SYTL5: variants seen among roughly 807,000 people sequenced by gnomAD.
SYTL5 encodes the protein synaptotagmin like 5.
Under a neutral mutation model 55.9 loss-of-function variants are expected in SYTL5, and 34 were observed. The ratio of observed to expected loss-of-function variants is 0.61; its 90% CI spans 0.46 to 0.81. SYTL5 has a LOEUF of 0.81. SYTL5 is among the 30% of genes least tolerant of loss of function. The pLI, the probability that SYTL5 is intolerant of heterozygous loss-of-function variation, is 0.00. For synonymous variants in SYTL5, 221 were observed against 188.7 expected (o/e 1.17, Z -1.40); for missense variants, 637 against 546.7 (o/e 1.17, Z -1.65).
chrX:37,986,106 G>A, the SYTL5 span, among the ~76,000 whole-genome samples: 3 of 111,414 alleles, frequency 2.7e-5, no homozygotes, highest in African/African-American at 3.3e-5. Flanking sequence ...TTGGGCAATC[G>A]ATTCTTATAT....
At chrX:37,936,954 G>A in the SYTL5 span, among the ~76,000 whole-genome samples, 73 of 108,156 alleles carry the variant, frequency 6.7e-4, no homozygotes, top group Non-Finnish European at 2.5e-4. Context: ...GGAGGCTGAG[G>A]CAGGAGAATT....
the SYTL5 span, among the ~76,000 whole-genome samples, chrX:37,959,425 A>T: frequency 1.8e-5 from 2 of 111,894 alleles, no homozygotes; most frequent in South Asian, 7.5e-4. Context: ...ACTTGTGGAT[A>T]ATTAACATGG....
At chrX:38,076,248 T>C (rs1445949024) in intron 5 of SYTL5, among the ~76,000 whole-genome samples, 1 of 112,056 alleles carries the variant, frequency 8.9e-6, no homozygotes, top group East Asian at 2.8e-4. Flanking sequence ...ATTCTCACTA[T>C]TCCTGCAAAC....
At chrX:38,047,114 T>C (rs1602340637) in intron 2 of SYTL5, among the ~76,000 whole-genome samples, 1 of 111,987 alleles carries the variant, frequency 8.9e-6, no homozygotes, top group African/African-American at 3.2e-5. Flanking sequence ...GTGTAAGCTG[T>C]CAGTAGATCT....
chrX:38,128,783 T>C lies in SYTL5; in HGVS notation c.*2053T>C, dbSNP rs908461159. 2.7e-5 allele frequency: 3 copies of C among 111,145 alleles called. No individual in the cohort carries two copies. The highest frequency in any genetic ancestry group is 3.8e-5 in the Non-Finnish European group (2 of 53,011). The allele number at this position is 111,145 out of a possible 1,213,427, so 9.2% of individuals were successfully genotyped here. On this transcript the variant is annotated 3_prime_UTR_variant, in exon 17 of 17. Coordinates refer to ENST00000297875, the MANE Select transcript of SYTL5 (RefSeq NM_138780.3). ...TGTAAGATCATCATTGCTTCCCACATAGGAAAAATAAAATGTCTTCAGACT... is the reference window on the plus strand; with the variant it reads ...TGTAAGATCATCATTGCTTCCCACACAGGAAAAATAAAATGTCTTCAGACT...
chrX:37,923,269 A>G, the SYTL5 span, among the ~76,000 whole-genome samples: 1 of 111,934 alleles, frequency 8.9e-6, no homozygotes, highest in South Asian at 3.7e-4. Context: ...CATAACAAAG[A>G]CACTGTTCTA....
intron 1 of SYTL5, among the ~76,000 whole-genome samples, chrX:38,031,406 A>G (rs1353489893): frequency 9.0e-6 from 1 of 111,290 alleles, no homozygotes; most frequent in African/African-American, 3.3e-5. Flanking sequence ...TGTGCTACCC[A>G]TGGTGTTACT....
the SYTL5 span, among the ~76,000 whole-genome samples, chrX:37,998,684 G>A: frequency 8.9e-6 from 1 of 111,968 alleles, no homozygotes; most frequent in Non-Finnish European, 1.9e-5. Context: ...AGGCTGAGTG[G>A]GCACAGCGAG....
At chrX:38,096,314 G>C (rs1428174574) in intron 9 of SYTL5, 80 bp downstream of exon 9, 1 of 528,141 alleles carries the variant, frequency 1.9e-6, no homozygotes, top group Admixed American at 2.9e-5. Flanking sequence ...TCACTTTTAG[G>C]TGATGATGAG....
intron 4 of SYTL5, among the ~76,000 whole-genome samples, chrX:38,072,509 C>T (rs745576693): frequency 1.1e-4 from 12 of 112,502 alleles, no homozygotes; most frequent in Non-Finnish European, 2.1e-4. Flanking sequence ...ATTGTGAAAG[C>T]AATCCTTGAT....
At chrX:38,119,875 T>G (rs912522235) in intron 13 of SYTL5, among the ~76,000 whole-genome samples, 5 of 112,657 alleles carry the variant, frequency 4.4e-5, no homozygotes, top group Non-Finnish European at 9.4e-5. Context: ...TAACAGTTGA[T>G]GGCTGGCAGC....
intron 3 of SYTL5, among the ~76,000 whole-genome samples, chrX:38,055,652 A>C (rs1935760003): frequency 8.9e-6 from 1 of 111,897 alleles, no homozygotes; most frequent in African/African-American, 3.2e-5. Context: ...GAGATAGTAG[A>C]AGTGATCTTT....
the SYTL5 span, among the ~76,000 whole-genome samples, chrX:37,900,003 G>A: frequency 2.7e-5 from 3 of 112,103 alleles, no homozygotes; most frequent in Admixed American, 9.5e-5. Flanking sequence ...ATCATATTCA[G>A]TATTTGTTCT....
intron 3 of SYTL5, among the ~76,000 whole-genome samples, 194 bp downstream of exon 3, chrX:38,054,616 G>T (rs1044357827): frequency 2.3e-4 from 12 of 52,445 alleles, no homozygotes; most frequent in East Asian, 4.3e-4. Flanking sequence ...GTATGTGAGA[G>T]AGAGAGAGAG....
rs777001664 is a variant in SYTL5 at position 38,096,143 on chromosome X, G to T, written c.971G>T (p.Arg324Leu). ...CCTTTCCACCTTCCAGATCAGAGTC[G>T]ATCTGAGTTAGATTTGAGTGAGTCA... is the stretch of plus-strand genomic sequence containing the variant. ...SGTSLSSDQS[R>L]SELDLSESFT... Residue 324 changes from arginine (R) to leucine (L), a missense_variant, in exon 9 of 17, where the codon CGA becomes CTA. Coordinates refer to ENST00000297875, the MANE Select transcript of SYTL5 (RefSeq NM_138780.3). The T allele has an allele frequency of 3.4e-6, 4 of 1,167,499 alleles. No individual in the cohort carries two copies. Among genetic ancestry groups the T allele is most frequent in the South Asian group, 1.9e-5 (1 of 52,095 alleles).
intron 3 of SYTL5, 27 bp downstream of exon 3, chrX:38,054,449 G>A: frequency 6.0e-6 from 7 of 1,172,001 alleles, no homozygotes; most frequent in Non-Finnish European, 8.1e-6. Flanking sequence ...TTCATGGAAA[G>A]TGGAGATTGA....
At chrX:37,976,380 C>T in the SYTL5 span, among the ~76,000 whole-genome samples, 1 of 111,701 alleles carries the variant, frequency 9.0e-6, no homozygotes, top group Non-Finnish European at 1.9e-5. Context: ...GAGAATGAGA[C>T]ACATGAGTCA....
chrX:37,889,588 G>A, the SYTL5 span, among the ~76,000 whole-genome samples: 4 of 111,196 alleles, frequency 3.6e-5, no homozygotes, highest in African/African-American at 1.3e-4. Flanking sequence ...GGCTTGAGTG[G>A]GGGGGATAAT....
the SYTL5 span, among the ~76,000 whole-genome samples, chrX:37,916,299 C>T: frequency 8.9e-6 from 1 of 112,169 alleles, no homozygotes; most frequent in Admixed American, 9.5e-5. Flanking sequence ...GCGGAGCCCA[C>T]GCACCCCTCC....
Sources: gnomAD v4.1 joint callset for allele counts (sites outside exome capture counted in the v4.1 genomes callset) on GRCh38, gnomAD v4.1.1 for gene constraint, MANE v1.5 for transcripts, NCBI Gene and HGNC (gene_info 2026-07-23, HGNC 2026-07-21) for gene names.